Variants in PPP2R2B observed in about 807,000 individuals in gnomAD.
PPP2R2B encodes protein phosphatase 2 regulatory subunit Bbeta, also known as serine/threonine-protein phosphatase 2A 55 kDa regulatory subunit B beta isoform.
A neutral mutation model predicts 46.0 loss-of-function variants in PPP2R2B; 5 were observed. That is an observed-to-expected ratio of 0.11 (90% confidence interval 0.06 to 0.23). The LOEUF is 0.23. PPP2R2B is among the 10% of genes least tolerant of loss of function. PPP2R2B has a pLI of 1.00. For synonymous variants in PPP2R2B, 215 were observed against 206.7 expected, an observed-to-expected ratio of 1.04 and a Z score of -0.34; for missense variants, 367 against 575.0, an observed-to-expected ratio of 0.64 and a Z score of 3.70.
At chr5:146,696,597 G>A (rs1287341710) in intron 4 of PPP2R2B, among the ~76,000 whole-genome samples, 2 of 152,110 alleles carry the variant, frequency 1.3e-5, no homozygotes, top group Non-Finnish European at 2.9e-5. Context: ...AAATTAAAAG[G>A]AAAGAAATTG....
At chr5:146,751,866 A>G (rs1753575344) in intron 2 of PPP2R2B, among the ~76,000 whole-genome samples, 1 of 152,158 alleles carries the variant, frequency 6.6e-6, no homozygotes, top group Admixed American at 6.5e-5. Context: ...CCAGAAAGAG[A>G]AAACTACAAG....
chr5:146,735,572 TG>T (rs1752486978), intron 2 of PPP2R2B, among the ~76,000 whole-genome samples: 1 of 151,794 alleles, frequency 6.6e-6, no homozygotes, highest in South Asian at 2.1e-4. Context: ...TTAAATTGGA[TG>T]GGGGAAAAAA....
intron 2 of PPP2R2B, among the ~76,000 whole-genome samples, chr5:146,861,448 C>T (rs1175355754): frequency 2.0e-5 from 3 of 152,148 alleles, no homozygotes; most frequent in African/African-American, 7.2e-5. Context: ...AGCTCAGCCT[C>T]CCAAAGTTCT....
At chr5:146,966,734 T>C (rs956551304) in intron 1 of PPP2R2B, among the ~76,000 whole-genome samples, 5 of 152,122 alleles carry the variant, frequency 3.3e-5, no homozygotes, top group African/African-American at 9.7e-5. Flanking sequence ...CACAAAAATA[T>C]GTGTAGCCTA....
At chr5:146,938,786 CAG>C (rs1388548409) in intron 1 of PPP2R2B, among the ~76,000 whole-genome samples, 3 of 96,010 alleles carry the variant, frequency 3.1e-5, no homozygotes, top group Non-Finnish European at 3.7e-5. Flanking sequence ...TTTTTGGAGA[CAG>C]AGTCTCCCTC....
chr5:146,848,624 T>C (rs560259739), intron 2 of PPP2R2B, among the ~76,000 whole-genome samples: 4 of 152,244 alleles, frequency 2.6e-5, no homozygotes, highest in African/African-American at 9.6e-5. Context: ...TATATCAACA[T>C]GCCTTATTTT....
chr5:146,827,128 G>A (rs1401108029), intron 2 of PPP2R2B, among the ~76,000 whole-genome samples: 5 of 152,028 alleles, frequency 3.3e-5, no homozygotes, highest in Non-Finnish European at 7.4e-5. Context: ...GTATCCTTGG[G>A]ACCAAGGATA....
chr5:146,591,546 C>G (rs1012908017), intron 9 of PPP2R2B, among the ~76,000 whole-genome samples: 1 of 152,032 alleles, frequency 6.6e-6, no homozygotes, highest in Admixed American at 6.6e-5. Context: ...AGTCCACCCT[C>G]AAACCCACAT....
At chr5:146,630,095 A>T (rs1456650669) in intron 7 of PPP2R2B, among the ~76,000 whole-genome samples, 2 of 152,174 alleles carry the variant, frequency 1.3e-5, no homozygotes, top group African/African-American at 4.8e-5. Context: ...GATCACAGGC[A>T]TAAGCCACCA....
At chr5:146,626,351 T>C (rs189636583) in intron 7 of PPP2R2B, among the ~76,000 whole-genome samples, 1 of 152,360 alleles carries the variant, frequency 6.6e-6, no homozygotes, top group East Asian at 1.9e-4. Context: ...ATGATACTTA[T>C]ATGAATGTTA....
chr5:146,925,747 T>A (rs1763761764), intron 1 of PPP2R2B, among the ~76,000 whole-genome samples: 1 of 152,194 alleles, frequency 6.6e-6, no homozygotes, highest in African/African-American at 2.4e-5. Flanking sequence ...CTTTCTCTTC[T>A]CTCCTTCCGA....
chr5:146,779,831 G>A (rs1755400752), intron 2 of PPP2R2B, among the ~76,000 whole-genome samples: 1 of 152,074 alleles, frequency 6.6e-6, no homozygotes, highest in Non-Finnish European at 1.5e-5. Context: ...CTTCTGTTCA[G>A]TTTAATGCCT....
At chr5:146,693,910 A>C (rs1280003728) in intron 4 of PPP2R2B, among the ~76,000 whole-genome samples, 1 of 152,192 alleles carries the variant, frequency 6.6e-6, no homozygotes, top group Non-Finnish European at 1.5e-5. Flanking sequence ...CTTATCTGTA[A>C]CACTGTCAGG....
chr5:146,804,898 C>G (rs1757081831), intron 2 of PPP2R2B, among the ~76,000 whole-genome samples: 1 of 152,100 alleles, frequency 6.6e-6, no homozygotes, highest in African/African-American at 2.4e-5. Flanking sequence ...ATGTGGGGTT[C>G]ACATCCAGAA....
chr5:146,892,739 C>G (rs997531020), intron 1 of PPP2R2B, among the ~76,000 whole-genome samples: 4 of 152,198 alleles, frequency 2.6e-5, no homozygotes, highest in Admixed American at 2.0e-4. Context: ...AAAAAAGCGT[C>G]ATGCTATAGC....
At position 146,695,285 on chromosome 5, in the gene PPP2R2B, A is replaced by G. The variant is rs186322192; in HGVS notation, c.334+2694T>C. ...ACACTTTTATTATTTTTGTTTTTCT[A>G]TATTTTTTTTTCCATGAACATGTAC... On this transcript the variant is annotated intron_variant, in intron 4 of 9. Transcript: ENST00000394411. 3.9e-3 allele frequency among the ~76,000 whole-genome samples: 598 copies of G among 152,158 alleles called. 3 individuals carry two copies. The highest frequency in any genetic ancestry group is 0.013 in the South Asian group (62 of 4,822).
intron 1 of PPP2R2B, among the ~76,000 whole-genome samples, chr5:146,891,465 T>A (rs1762489101): frequency 6.6e-6 from 1 of 152,250 alleles, no homozygotes; most frequent in Non-Finnish European, 1.5e-5. Flanking sequence ...TCTTCACCCT[T>A]GAATTATGTT....
intron 1 of PPP2R2B, among the ~76,000 whole-genome samples, chr5:147,016,139 C>A (rs1332460019): frequency 1.3e-5 from 2 of 151,424 alleles, no homozygotes; most frequent in Admixed American, 1.3e-4. Context: ...AGTTCGAGAC[C>A]AGCCTGGGAA....
At chr5:146,749,708 C>CCCAGG (rs1753429701) in intron 2 of PPP2R2B, among the ~76,000 whole-genome samples, 1 of 149,056 alleles carries the variant, frequency 6.7e-6, no homozygotes, top group Non-Finnish European at 1.5e-5. Flanking sequence ...ACGCCATTGT[C>CCCAGG]CTGCCTCAGC....
Sources: allele counts gnomAD v4.1 joint callset (sites outside exome capture counted in the v4.1 genomes callset), GRCh38; gene constraint gnomAD v4.1.1; transcripts MANE v1.5; gene names NCBI Gene and HGNC (gene_info 2026-07-23, HGNC 2026-07-21).